RAB28: variants seen among roughly 807,000 people sequenced by gnomAD.
RAB28 encodes the protein RAB28, member RAS oncogene family.
A neutral mutation model predicts 31.7 loss-of-function variants in RAB28; 24 were observed. The observed-to-expected ratio is 0.76, with a 90% confidence interval of 0.55 to 1.06. The LOEUF is 1.06. Ranked by LOEUF, RAB28 falls within the 50% of genes least tolerant of loss-of-function variation. The probability of loss-of-function intolerance (pLI) is 0.00; values close to 1 mark genes in which losing one functional copy is unlikely to be tolerated. For missense variants in RAB28, 254 were observed against 258.5 expected, an observed-to-expected ratio of 0.98 and a Z score of 0.12; for synonymous variants, 100 against 90.4, an observed-to-expected ratio of 1.11 and a Z score of -0.60.
chr4:13,398,411 G>T (rs918452767), intron 4 of RAB28, among the ~76,000 whole-genome samples: 1 of 151,998 alleles, frequency 6.6e-6, no homozygotes. Flanking sequence ...ACATAGAATT[G>T]CATAAAAAAA....
At chr4:13,419,620 T>G (rs1320642434) in intron 4 of RAB28, among the ~76,000 whole-genome samples, 1 of 152,248 alleles carries the variant, frequency 6.6e-6, no homozygotes, top group East Asian at 1.9e-4. Flanking sequence ...CATAACTACA[T>G]GAAAACTGAA....
chr4:13,386,450 CT>C (rs1336444330), intron 4 of RAB28, among the ~76,000 whole-genome samples: 2 of 151,608 alleles, frequency 1.3e-5, no homozygotes, highest in African/African-American at 4.8e-5. Flanking sequence ...GGCCAAGGAC[CT>C]GAACAGATAC....
intron 4 of RAB28, among the ~76,000 whole-genome samples, chr4:13,400,913 A>T (rs911271308): frequency 1.3e-5 from 2 of 152,126 alleles, no homozygotes; most frequent in Middle Eastern, 3.4e-3. Context: ...TCCAGGATAA[A>T]CTCCACTTGG....
intron 4 of RAB28, among the ~76,000 whole-genome samples, chr4:13,405,514 G>C (rs556159957): frequency 6.6e-6 from 1 of 152,186 alleles, no homozygotes; most frequent in South Asian, 2.1e-4. Context: ...TCATAACATA[G>C]ACTCCTTTCA....
intron 1 of RAB28, among the ~76,000 whole-genome samples, chr4:13,482,531 G>A (rs978828347): frequency 3.9e-5 from 6 of 152,172 alleles, no homozygotes; most frequent in African/African-American, 1.4e-4. Flanking sequence ...GCCTTCAAAA[G>A]AAAATCTAAA....
intron 6 of RAB28, chr4:13,369,767 A>G: frequency 1.8e-6 from 2 of 1,108,878 alleles, no homozygotes; most frequent in East Asian, 2.8e-5. Flanking sequence ...ATAATGTACA[A>G]TAATCATCTG....
chr4:13,453,284 A>C (rs1396570781), intron 4 of RAB28, among the ~76,000 whole-genome samples: 1 of 152,172 alleles, frequency 6.6e-6, no homozygotes, highest in Non-Finnish European at 1.5e-5. Context: ...TATTATTGAC[A>C]GGTGAAGACT....
intron 4 of RAB28, among the ~76,000 whole-genome samples, chr4:13,385,309 C>T (rs965017549): frequency 3.3e-5 from 5 of 152,142 alleles, no homozygotes; most frequent in Non-Finnish European, 7.3e-5. Context: ...ATCTCCCCAA[C>T]CTAGCTAGAG....
chr4:13,443,197 C>A (rs1383995505), intron 4 of RAB28, among the ~76,000 whole-genome samples: 2 of 148,938 alleles, frequency 1.3e-5, no homozygotes, highest in East Asian at 2.0e-4. Flanking sequence ...TTTTTTGAGA[C>A]GGAGTCTCCT....
chr4:13,470,687 G>A (rs539819238), intron 3 of RAB28, among the ~76,000 whole-genome samples: 3 of 152,146 alleles, frequency 2.0e-5, no homozygotes, highest in Non-Finnish European at 4.4e-5. Context: ...TATGTACTGT[G>A]TGTTTGCTCC....
At chr4:13,429,743 T>C (rs1024793981) in intron 4 of RAB28, among the ~76,000 whole-genome samples, 1 of 152,266 alleles carries the variant, frequency 6.6e-6, no homozygotes, top group South Asian at 2.1e-4. Flanking sequence ...CAATCAAATT[T>C]CCAGCTGACT....
intron 2 of RAB28, among the ~76,000 whole-genome samples, chr4:13,476,078 C>T (rs991955777): frequency 6.6e-6 from 1 of 151,436 alleles, no homozygotes; most frequent in African/African-American, 2.4e-5. Flanking sequence ...GTGTTTAATC[C>T]CATTTTTCTC....
At chr4:13,483,298 A>G (rs538667139) in intron 1 of RAB28, among the ~76,000 whole-genome samples, 1 of 152,234 alleles carries the variant, frequency 6.6e-6, no homozygotes, top group East Asian at 1.9e-4. Context: ...GCCCGCATTC[A>G]TTCATTCGAA....
intron 4 of RAB28, chr4:13,459,737 A>G (rs780490746): frequency 8.6e-6 from 9 of 1,045,174 alleles, no homozygotes; most frequent in Non-Finnish European, 1.0e-5. Context: ...GAGGAAGTTT[A>G]TAAGAGACAG....
intron 1 of RAB28, among the ~76,000 whole-genome samples, chr4:13,481,371 G>A (rs529340418): frequency 4.6e-5 from 7 of 152,072 alleles, no homozygotes; most frequent in African/African-American, 1.4e-4. Context: ...TGAATCAGTG[G>A]GGGTCACTTT....
At chr4:13,472,529 T>C (rs1444618114) in intron 3 of RAB28, among the ~76,000 whole-genome samples, 1 of 151,892 alleles carries the variant, frequency 6.6e-6, no homozygotes, top group African/African-American at 2.4e-5. Context: ...TATATTATTA[T>C]TTACCCTGAA....
At chr4:13,439,719 A>AT (rs1377917502) in intron 4 of RAB28, among the ~76,000 whole-genome samples, 16 of 152,240 alleles carry the variant, frequency 1.1e-4, no homozygotes, top group African/African-American at 1.9e-4. Context: ...CCTTTGATCC[A>AT]TTTTTTGTTG....
intron 4 of RAB28, among the ~76,000 whole-genome samples, chr4:13,450,273 C>G (rs1714895076): frequency 6.6e-6 from 1 of 151,608 alleles, no homozygotes; most frequent in South Asian, 2.1e-4. Flanking sequence ...CTTCCTAAGT[C>G]TTTCATATTT....
At position 13,392,582 on chromosome 4, in the gene RAB28, G is replaced by A. The variant is rs114348106; in HGVS notation, c.392-10988C>T. ...GATAAAGAATGCACTCTCCAACAGC[G>A]TGCAAGCATTCCCTTTCCTCCATAT... On this transcript the variant is annotated intron_variant, in intron 4 of 6. Transcript: ENST00000330852. 1.9e-3 allele frequency among the ~76,000 whole-genome samples: 290 copies of A among 152,248 alleles called. 1 individual carries two copies. Among genetic ancestry groups the A allele is most frequent in the Middle Eastern group, 6.8e-3 (2 of 294 alleles).
Sources: allele counts gnomAD v4.1 joint callset (sites outside exome capture counted in the v4.1 genomes callset), GRCh38; gene constraint gnomAD v4.1.1; transcripts MANE v1.5; gene names NCBI Gene and HGNC (gene_info 2026-07-23, HGNC 2026-07-21).